Variants in CNTNAP2 observed in about 807,000 individuals in gnomAD.
CNTNAP2 encodes the protein contactin-associated protein-like 2.
In CNTNAP2, 98 loss-of-function variants were observed where a neutral mutation model predicts 155.2. The ratio of observed to expected loss-of-function variants is 0.63; its 90% CI spans 0.54 to 0.75. CNTNAP2 has a LOEUF of 0.75. Among genes scored for constraint, CNTNAP2 ranks in the 30% least tolerant of loss-of-function variants. CNTNAP2 has a pLI of 0.00. For synonymous variants in CNTNAP2, 651 were observed against 631.2 expected (o/e 1.03, Z -0.47); for missense variants, 1,727 against 1,688.1 (o/e 1.02, Z -0.40).
At chr7:146,293,186 G>A (rs1283822529) in intron 1 of CNTNAP2, among the ~76,000 whole-genome samples, 1 of 151,994 alleles carries the variant, frequency 6.6e-6, no homozygotes, top group East Asian at 1.9e-4. Context: ...ACAGTGAAAA[G>A]TCTTCATATA....
intron 3 of CNTNAP2, among the ~76,000 whole-genome samples, chr7:147,029,938 G>C (rs1289936280): frequency 3.3e-5 from 5 of 152,090 alleles, no homozygotes; most frequent in Non-Finnish European, 7.4e-5. Context: ...TCCACATTCA[G>C]AAAAATATTT....
Position 148,130,371 on chromosome 7 carries a change from T to C in CNTNAP2, c.2554+12083T>C, listed in dbSNP as rs572628224. On this transcript the variant is annotated intron_variant, in intron 16 of 23. Transcript: ENST00000361727. ...CATAGATGTGAACATAATGAAATCA[T>C]ACCAAATGTCTCTACCTCCCAGGAT... 2.6e-4 allele frequency among the ~76,000 whole-genome samples: 39 copies of C among 152,300 alleles called. No homozygotes were observed. In the South Asian group the frequency reaches 6.8e-3, roughly 27 times the overall value.
Position 148,356,224 on chromosome 7 carries a change from A to AT in CNTNAP2, c.3476-27424dup, listed in dbSNP as rs1341977543. ...GTTCCATAAAACATGGTTTTAAAAT[A>AT]TAAAAAAAAGACACAGCATTGATTT... is the stretch of plus-strand genomic sequence containing the variant. On this transcript the variant is annotated intron_variant, in intron 21 of 23. Transcript: ENST00000361727. Among the ~76,000 whole-genome samples, 14 of 152,080 alleles carry AT rather than the reference A, an allele frequency of 9.2e-5. No homozygotes were observed. In the South Asian group the frequency reaches 1.2e-3, roughly 14 times the overall value.
At chr7:146,978,077 C>T (rs982129049) in intron 3 of CNTNAP2, among the ~76,000 whole-genome samples, 2 of 152,126 alleles carry the variant, frequency 1.3e-5, no homozygotes, top group African/African-American at 4.8e-5. Context: ...TACCCTAGAC[C>T]AGGCTATTAG....
chr7:146,579,903 C>A (rs1345049656), intron 1 of CNTNAP2, among the ~76,000 whole-genome samples: 1 of 152,062 alleles, frequency 6.6e-6, no homozygotes, highest in Non-Finnish European at 1.5e-5. Flanking sequence ...AACCCACGTT[C>A]TCTTAAACCT....
chr7:146,407,415 C>T (rs957362421), intron 1 of CNTNAP2, among the ~76,000 whole-genome samples: 2 of 152,030 alleles, frequency 1.3e-5, no homozygotes, highest in Non-Finnish European at 2.9e-5. Context: ...ATGAAATGTA[C>T]GATTTTACCA....
chr7:146,665,673 C>A (rs113871912), intron 1 of CNTNAP2, among the ~76,000 whole-genome samples: 1 of 150,642 alleles, frequency 6.6e-6, no homozygotes, highest in East Asian at 2.0e-4. Context: ...CCCAGCTACT[C>A]GGGAGGCTGA....
intron 1 of CNTNAP2, among the ~76,000 whole-genome samples, chr7:146,478,799 T>C (rs1162055598): frequency 6.6e-6 from 1 of 151,940 alleles, no homozygotes; most frequent in African/African-American, 2.4e-5. Context: ...AAAGTGAAAG[T>C]TTTGGGGGCT....
At chr7:147,017,842 G>A (rs1798751404) in intron 3 of CNTNAP2, among the ~76,000 whole-genome samples, 1 of 152,022 alleles carries the variant, frequency 6.6e-6, no homozygotes, top group African/African-American at 2.4e-5. Flanking sequence ...GAGAGAATAT[G>A]ATCAATGAAT....
chr7:147,805,315 T>C (rs1354830278), intron 13 of CNTNAP2, among the ~76,000 whole-genome samples: 4 of 152,162 alleles, frequency 2.6e-5, no homozygotes, highest in Non-Finnish European at 5.9e-5. Flanking sequence ...TCTTGATTAA[T>C]TAGTTGCAAC....
chr7:147,456,857 T>C (rs1434114285), intron 10 of CNTNAP2, among the ~76,000 whole-genome samples: 1 of 152,134 alleles, frequency 6.6e-6, no homozygotes, highest in African/African-American at 2.4e-5. Flanking sequence ...TAGAAAGAAG[T>C]AAATCAATTA....
At chr7:148,350,030 G>A (rs1461268322) in intron 21 of CNTNAP2, among the ~76,000 whole-genome samples, 2 of 152,202 alleles carry the variant, frequency 1.3e-5, no homozygotes, top group Non-Finnish European at 2.9e-5. Flanking sequence ...GGCCTCTGTG[G>A]ATGATGGATG....
At chr7:146,409,469 T>G (rs990079109) in intron 1 of CNTNAP2, among the ~76,000 whole-genome samples, 14 of 152,186 alleles carry the variant, frequency 9.2e-5, no homozygotes, top group African/African-American at 3.1e-4. Context: ...GATGAATAAG[T>G]GATTACATAA....
intron 15 of CNTNAP2, among the ~76,000 whole-genome samples, chr7:148,094,416 A>T (rs1803918773): frequency 6.6e-6 from 1 of 152,200 alleles, no homozygotes; most frequent in Non-Finnish European, 1.5e-5. Flanking sequence ...ACAGAAGTTG[A>T]ATGTCCTTGC....
intron 8 of CNTNAP2, among the ~76,000 whole-genome samples, chr7:147,197,758 A>C (rs1802834856): frequency 6.6e-6 from 1 of 152,230 alleles, no homozygotes; most frequent in African/African-American, 2.4e-5. Flanking sequence ...AAGGATATTA[A>C]AACATTTTCT....
chr7:147,126,660 A>AT lies in CNTNAP2; in HGVS notation c.940-2032dup, dbSNP rs1211424994. On this transcript the variant is annotated intron_variant, in intron 6 of 23. Transcript: ENST00000361727. ...AGCTAATTTTGTATTTTTAGTAGAG[A>AT]TGGGGTTTCTCCATGTTGATCAGGC... Among the ~76,000 whole-genome samples the AT allele has an allele frequency of 3.3e-5, 5 of 152,034 alleles. No individual in the cohort carries two copies. In the East Asian group the frequency reaches 9.6e-4, roughly 29 times the overall value.
chr7:148,375,496 A>T, intron 21 of CNTNAP2, among the ~76,000 whole-genome samples: 1 of 150,470 alleles, frequency 6.6e-6, no homozygotes, highest in East Asian at 2.0e-4. Context: ...AGTAGCTGGG[A>T]TTACAGGCGT....
At chr7:147,891,897 T>C (rs1354533801) in intron 13 of CNTNAP2, among the ~76,000 whole-genome samples, 1 of 152,138 alleles carries the variant, frequency 6.6e-6, no homozygotes, top group Non-Finnish European at 1.5e-5. Context: ...CATTCATGAA[T>C]ACAGTGGCAA....
At chr7:147,421,466 A>T (rs1046900097) in intron 10 of CNTNAP2, among the ~76,000 whole-genome samples, 2 of 151,984 alleles carry the variant, frequency 1.3e-5, no homozygotes, top group Non-Finnish European at 2.9e-5. Context: ...AAAATGTTAA[A>T]ATACAAATAC....
Sources: gnomAD v4.1 joint callset for allele counts (sites outside exome capture counted in the v4.1 genomes callset) on GRCh38, gnomAD v4.1.1 for gene constraint, MANE v1.5 for transcripts, NCBI Gene and HGNC (gene_info 2026-07-23, HGNC 2026-07-21) for gene names.